AGBL4: variants seen among roughly 807,000 people sequenced by gnomAD.
The protein encoded by AGBL4 is cytosolic carboxypeptidase 6.
Under a neutral mutation model 66.4 loss-of-function variants are expected in AGBL4, and 58 were observed. The ratio of observed to expected loss-of-function variants is 0.87; its 90% confidence interval spans 0.71 to 1.09. AGBL4 has a LOEUF of 1.09. Among genes scored for constraint, AGBL4 ranks in the 50% least tolerant of loss-of-function variants. The pLI is 0.00. For synonymous variants in AGBL4, 234 were observed against 222.9 expected (o/e 1.05, Z -0.44); for missense variants, 579 against 631.0 (o/e 0.92, Z 0.88).
At chr1:49,465,531 C>T (rs1646612535) in intron 3 of AGBL4, among the ~76,000 whole-genome samples, 1 of 151,712 alleles carries the variant, frequency 6.6e-6, no homozygotes, top group Non-Finnish European at 1.5e-5. Context: ...TTTATATATC[C>T]CCAGTGCCTT....
At chr1:49,208,769 C>T (rs780700198) in intron 4 of AGBL4, among the ~76,000 whole-genome samples, 3 of 152,010 alleles carry the variant, frequency 2.0e-5, no homozygotes, top group Admixed American at 1.3e-4. Context: ...AATCATTGTT[C>T]CAAAGAAACC....
intron 3 of AGBL4, among the ~76,000 whole-genome samples, chr1:49,568,578 CA>C (rs1474118497): frequency 6.7e-6 from 1 of 149,392 alleles, no homozygotes; most frequent in Non-Finnish European, 1.5e-5. Context: ...CAATACTGAC[CA>C]AAGTTATTTA....
intron 1 of AGBL4, among the ~76,000 whole-genome samples, chr1:49,991,736 A>C (rs1330440614): frequency 6.6e-6 from 1 of 152,136 alleles, no homozygotes; most frequent in Non-Finnish European, 1.5e-5. Flanking sequence ...ATTTCTGTCA[A>C]TGAATCCCCA....
At chr1:49,149,886 C>T (rs938764791) in intron 4 of AGBL4, among the ~76,000 whole-genome samples, 1 of 152,154 alleles carries the variant, frequency 6.6e-6, no homozygotes, top group Non-Finnish European at 1.5e-5. Context: ...AGAAACTATG[C>T]ATTTGACAAC....
chr1:49,325,948 CT>C (rs749779282), intron 3 of AGBL4, among the ~76,000 whole-genome samples: 15 of 152,200 alleles, frequency 9.9e-5, no homozygotes, highest in Non-Finnish European at 2.2e-4. Context: ...TGAATGAAAG[CT>C]TTCTGAGGCC....
chr1:49,122,401 T>C (rs1249875594), intron 4 of AGBL4, among the ~76,000 whole-genome samples: 1 of 152,224 alleles, frequency 6.6e-6, no homozygotes, highest in Non-Finnish European at 1.5e-5. Flanking sequence ...ATCTTAACAG[T>C]TGATGGCTTC....
At chr1:49,596,441 G>A (rs570877263) in intron 3 of AGBL4, among the ~76,000 whole-genome samples, 1 of 152,230 alleles carries the variant, frequency 6.6e-6, no homozygotes, top group East Asian at 1.9e-4. Flanking sequence ...AAAATGGTGG[G>A]ATTACAGCTG....
chr1:48,726,567 C>T (rs903877891), intron 6 of AGBL4, among the ~76,000 whole-genome samples: 7 of 152,190 alleles, frequency 4.6e-5, no homozygotes, highest in South Asian at 2.1e-4. Flanking sequence ...GTTATCCACA[C>T]GGCCTATGAG....
chr1:48,699,925 A>G (rs1200964948), intron 6 of AGBL4, among the ~76,000 whole-genome samples: 1 of 113,660 alleles, frequency 8.8e-6, no homozygotes, highest in Non-Finnish European at 1.9e-5. Context: ...ATACATATAC[A>G]TATATAAATA....
rs139732827 is a variant in AGBL4 at position 49,203,088 on chromosome 1, CAAAAA to C, written c.377+42677_377+42681del. On this transcript the variant is annotated intron_variant, in intron 4 of 13. Coordinates refer to ENST00000371839, the MANE Select transcript of AGBL4 (RefSeq NM_032785.4). ...TTCCACCCACTAGGATGGCTACTAT[CAAAAA>C]AAAAAAAAAAGAAACAAACAGAAAG... 4.4e-5 allele frequency among the ~76,000 whole-genome samples: 6 copies of C among 135,872 alleles called. No homozygotes were observed. The South Asian group carries it at 9.7e-4, about 22-fold the overall frequency. 89.1% of individuals were successfully genotyped at this position (135,872 alleles called of 152,430 possible).
At chr1:49,425,814 A>G (rs558933736) in intron 3 of AGBL4, among the ~76,000 whole-genome samples, 2 of 152,324 alleles carry the variant, frequency 1.3e-5, no homozygotes, top group Admixed American at 1.3e-4. Context: ...GCAATATGGT[A>G]CAATGTAAAG....
intron 1 of AGBL4, among the ~76,000 whole-genome samples, chr1:49,994,131 C>CA (rs1032051856): frequency 1.3e-4 from 20 of 152,058 alleles, no homozygotes; most frequent in African/African-American, 4.6e-4. Flanking sequence ...GCTAACATCA[C>CA]AAAAACAGAA....
intron 3 of AGBL4, among the ~76,000 whole-genome samples, chr1:49,583,022 C>A (rs984486372): frequency 2.5e-4 from 38 of 152,252 alleles, no homozygotes; most frequent in African/African-American, 9.1e-4. Flanking sequence ...GTTCCTAAAA[C>A]CCTTGTAATT....
At chr1:48,985,906 A>G (rs1660146944) in intron 5 of AGBL4, among the ~76,000 whole-genome samples, 1 of 152,188 alleles carries the variant, frequency 6.6e-6, no homozygotes, top group African/African-American at 2.4e-5. Context: ...GCAGAAAAAG[A>G]CATTGACAGT....
intron 4 of AGBL4, among the ~76,000 whole-genome samples, chr1:49,181,504 T>C (rs1055481676): frequency 2.0e-5 from 3 of 152,112 alleles, no homozygotes; most frequent in African/African-American, 7.2e-5. Context: ...TTGGGCAAAA[T>C]CCCAATATCT....
intron 2 of AGBL4, among the ~76,000 whole-genome samples, chr1:49,710,679 TAGAA>T (rs1158902877): frequency 6.6e-6 from 1 of 151,656 alleles, no homozygotes; most frequent in Non-Finnish European, 1.5e-5. Context: ...AAAGATTTCT[TAGAA>T]AGAACATAAA....
At chr1:49,882,498 T>C (rs1647492800) in intron 1 of AGBL4, among the ~76,000 whole-genome samples, 3 of 152,058 alleles carry the variant, frequency 2.0e-5, no homozygotes, top group African/African-American at 7.2e-5. Context: ...ATTTTCACGA[T>C]ATTGATTCTT....
intron 2 of AGBL4, among the ~76,000 whole-genome samples, chr1:49,837,420 T>A (rs1487827872): frequency 1.3e-5 from 2 of 152,214 alleles, no homozygotes. Flanking sequence ...ATAAACTCCA[T>A]TTTAAAATGT....
At chr1:48,728,428 T>C (rs1302343237) in intron 6 of AGBL4, among the ~76,000 whole-genome samples, 2 of 152,036 alleles carry the variant, frequency 1.3e-5, no homozygotes, top group African/African-American at 4.8e-5. Context: ...TAAAATAGTT[T>C]ATTTTCCATT....
Sources: gnomAD v4.1 joint callset for allele counts (sites outside exome capture counted in the v4.1 genomes callset) on GRCh38, gnomAD v4.1.1 for gene constraint, MANE v1.5 for transcripts, NCBI Gene and HGNC (gene_info 2026-07-23, HGNC 2026-07-21) for gene names.